CPNE8: variants seen among roughly 807,000 people sequenced by gnomAD.
CPNE8 encodes the protein copine-8.
CPNE8 carries 45 observed loss-of-function variants against 81.5 expected under a neutral mutation model. The ratio of observed to expected loss-of-function variants is 0.55; its 90% CI spans 0.44 to 0.71. CPNE8 has a LOEUF of 0.71. Among genes scored for constraint, CPNE8 ranks in the 30% least tolerant of loss-of-function variants. The probability of loss-of-function intolerance (pLI) is 0.00; values close to 1 mark genes in which losing one functional copy is unlikely to be tolerated. For synonymous variants in CPNE8, 252 were observed against 226.3 expected, an observed-to-expected ratio of 1.11 and a Z score of -1.02; for missense variants, 594 against 672.1, an observed-to-expected ratio of 0.88 and a Z score of 1.28.
intron 6 of CPNE8, among the ~76,000 whole-genome samples, chr12:38,814,196 T>A (rs1158826690): frequency 6.6e-6 from 1 of 150,532 alleles, no homozygotes; most frequent in Non-Finnish European, 1.5e-5. Flanking sequence ...CTTTGATAAA[T>A]GCAACTGCTT....
chr12:38,810,350 C>G (rs1039483231), intron 6 of CPNE8, among the ~76,000 whole-genome samples: 5 of 152,110 alleles, frequency 3.3e-5, no homozygotes, highest in Admixed American at 3.3e-4. Flanking sequence ...TTTCAAAGAG[C>G]CTTTTGTGCA....
intron 13 of CPNE8, among the ~76,000 whole-genome samples, chr12:38,714,043 G>A (rs756973658): frequency 5.3e-5 from 8 of 152,100 alleles, no homozygotes; most frequent in Non-Finnish European, 1.0e-4. Context: ...TAGTTACGGG[G>A]ATGGGGAAGT....
At chr12:38,780,660 C>A (rs1448432676) in intron 6 of CPNE8, among the ~76,000 whole-genome samples, 5 of 151,968 alleles carry the variant, frequency 3.3e-5, no homozygotes, top group Non-Finnish European at 7.4e-5. Context: ...GAGCTGACTA[C>A]TTGGAAGCAA....
At chr12:38,659,677 C>T (rs372099802) in intron 19 of CPNE8, among the ~76,000 whole-genome samples, 5 of 152,138 alleles carry the variant, frequency 3.3e-5, no homozygotes, top group African/African-American at 1.2e-4. Flanking sequence ...TGTAAAAGAA[C>T]AAAAATCACA....
At chr12:38,773,406 C>A (rs775833610) in intron 7 of CPNE8, among the ~76,000 whole-genome samples, 9 of 152,024 alleles carry the variant, frequency 5.9e-5, no homozygotes, top group African/African-American at 2.2e-4. Context: ...GTGATGGTTT[C>A]ATGGGTATAT....
chr12:38,779,738 A>C (rs1331773181), intron 6 of CPNE8, among the ~76,000 whole-genome samples: 2 of 152,178 alleles, frequency 1.3e-5, no homozygotes, highest in East Asian at 3.8e-4. Flanking sequence ...TTATAATATT[A>C]AAAAATAAAC....
intron 10 of CPNE8, among the ~76,000 whole-genome samples, chr12:38,756,306 AG>A (rs1401752969): frequency 2.0e-5 from 3 of 151,626 alleles, no homozygotes; most frequent in Non-Finnish European, 2.9e-5. Context: ...GAAATACTCT[AG>A]CTAGTAAAAC....
intron 6 of CPNE8, among the ~76,000 whole-genome samples, chr12:38,809,144 A>G (rs1215871895): frequency 6.6e-6 from 1 of 152,188 alleles, no homozygotes; most frequent in East Asian, 1.9e-4. Flanking sequence ...TTTAGCAGCT[A>G]AAATAATGCT....
intron 6 of CPNE8, among the ~76,000 whole-genome samples, chr12:38,812,049 C>T (rs917736554): frequency 5.3e-5 from 8 of 152,016 alleles, no homozygotes; most frequent in African/African-American, 1.2e-4. Context: ...CAAAGGATAA[C>T]GGGCAATATA....
At chr12:38,734,051 A>G (rs1289223819) in intron 10 of CPNE8, among the ~76,000 whole-genome samples, 1 of 151,988 alleles carries the variant, frequency 6.6e-6, no homozygotes, top group Non-Finnish European at 1.5e-5. Flanking sequence ...TAAAACAAGC[A>G]AACAAATAAC....
chr12:38,662,983 T>C (rs1033827810), intron 19 of CPNE8, among the ~76,000 whole-genome samples: 2 of 151,788 alleles, frequency 1.3e-5, no homozygotes, highest in Admixed American at 1.3e-4. Context: ...ATAAAAAAAA[T>C]CAACTCAAGA....
intron 6 of CPNE8, among the ~76,000 whole-genome samples, chr12:38,816,286 T>C (rs1943022570): frequency 6.6e-6 from 1 of 152,198 alleles, no homozygotes; most frequent in Non-Finnish European, 1.5e-5. Context: ...TAAACATTTA[T>C]TGAACTCTTA....
intron 13 of CPNE8, among the ~76,000 whole-genome samples, chr12:38,718,946 G>A (rs568108055): frequency 6.6e-6 from 1 of 152,242 alleles, no homozygotes; most frequent in South Asian, 2.1e-4. Context: ...ACAATGCAGT[G>A]TATTGCACAT....
intron 6 of CPNE8, among the ~76,000 whole-genome samples, chr12:38,789,786 A>G (rs1201114548): frequency 1.3e-5 from 2 of 151,970 alleles, no homozygotes; most frequent in Non-Finnish European, 2.9e-5. Flanking sequence ...AAAATGGGCA[A>G]AAGATCTGAA....
intron 6 of CPNE8, among the ~76,000 whole-genome samples, chr12:38,825,593 A>G (rs1004308818): frequency 2.0e-5 from 3 of 152,204 alleles, no homozygotes; most frequent in Non-Finnish European, 4.4e-5. Flanking sequence ...AGACTGAGGT[A>G]AGGGAGTAAA....
intron 13 of CPNE8, among the ~76,000 whole-genome samples, chr12:38,706,169 A>C (rs1565576291): frequency 1.3e-5 from 2 of 152,138 alleles, no homozygotes; most frequent in African/African-American, 4.8e-5. Flanking sequence ...TGGCTATAAT[A>C]GGCACACAAT....
chr12:38,749,971 A>G lies in CPNE8; in HGVS notation c.722+10876T>C, dbSNP rs75308432. Among the ~76,000 whole-genome samples, 455 of 152,268 alleles carry G rather than the reference A, an allele frequency of 3.0e-3. 5 individuals are homozygous for G. The highest frequency in any genetic ancestry group is 9.8e-3 in the African/African-American group (406 of 41,550). ...GGGCATATCAGAGGTCTTCATGTCA[A>G]CCACTCCCATCAGAGGCCTAGATGC... is the stretch of plus-strand genomic sequence containing the variant. On this transcript the variant is annotated intron_variant, in intron 10 of 19. Coordinates refer to ENST00000331366, the MANE Select transcript of CPNE8 (RefSeq NM_153634.3).
intron 6 of CPNE8, among the ~76,000 whole-genome samples, chr12:38,793,280 ATC>A (rs1436399181): frequency 6.6e-6 from 1 of 151,378 alleles, no homozygotes; most frequent in Admixed American, 6.6e-5. Flanking sequence ...AAATAAAATT[ATC>A]TCTGTTTACA....
At chr12:38,656,456 A>G (rs568115095) in intron 19 of CPNE8, among the ~76,000 whole-genome samples, 1 of 150,460 alleles carries the variant, frequency 6.6e-6, no homozygotes, top group South Asian at 2.1e-4. Flanking sequence ...TGCTTCTTTT[A>G]TCTTACCTTT....
Sources: allele counts gnomAD v4.1 joint callset (sites outside exome capture counted in the v4.1 genomes callset), GRCh38; gene constraint gnomAD v4.1.1; transcripts MANE v1.5; gene names NCBI Gene and HGNC (gene_info 2026-07-23, HGNC 2026-07-21).